The following ADGRL3 variants were observed in gnomAD, a reference collection of about 807,000 sequenced individuals.
The protein encoded by ADGRL3 is adhesion G protein-coupled receptor L3.
ADGRL3 carries 62 observed loss-of-function variants against 153.5 expected under a neutral mutation model. The ratio of observed to expected loss-of-function variants is 0.40; its 90% confidence interval spans 0.33 to 0.50. The LOEUF is 0.50. Among genes scored for constraint, ADGRL3 ranks in the 20% least tolerant of loss-of-function variants. The pLI, the probability that ADGRL3 is intolerant of heterozygous loss-of-function variation, is 0.47. For missense variants in ADGRL3, 1,641 were observed against 1,859.4 expected, an observed-to-expected ratio of 0.88 and a Z score of 2.16; for synonymous variants, 710 against 672.5, an observed-to-expected ratio of 1.06 and a Z score of -0.86.
At chr4:61,303,475 A>G (rs1008944438) in intron 1 of ADGRL3, among the ~76,000 whole-genome samples, 4 of 151,802 alleles carry the variant, frequency 2.6e-5, no homozygotes, top group African/African-American at 9.7e-5. Flanking sequence ...TTTTTTCTTC[A>G]CTAACAAAAG....
intron 1 of ADGRL3, among the ~76,000 whole-genome samples, chr4:61,285,280 A>G (rs1341167646): frequency 6.6e-6 from 1 of 151,882 alleles, no homozygotes; most frequent in African/African-American, 2.4e-5. Context: ...AAATTATCAA[A>G]TATTTATTGA....
In ADGRL3 at chr4:61,892,969, G is replaced by C; in HGVS notation, c.1783+11G>C. On this transcript the variant is annotated intron_variant, in intron 10 of 26. Coordinates refer to ENST00000683033, the MANE Select transcript of ADGRL3 (RefSeq NM_001387552.1). ...CTGCAGGAACTATAGGTAAGTCTGT[G>C]CTAAAGCACTAAGTTAAAACTGTTG... is the stretch of plus-strand genomic sequence containing the variant. The C allele has an allele frequency of 1.3e-6, 2 of 1,484,120 alleles. No individual in the cohort carries two copies. The highest frequency in any genetic ancestry group is 1.8e-6 in the Non-Finnish European group (2 of 1,117,104). The allele number at this position is 1,484,120 out of a possible 1,614,324, so 91.9% of individuals were successfully genotyped here.
chr4:61,452,885 T>C (rs1397031934), intron 2 of ADGRL3, among the ~76,000 whole-genome samples: 1 of 152,138 alleles, frequency 6.6e-6, no homozygotes, highest in Non-Finnish European at 1.5e-5. Context: ...TATTATTACT[T>C]TTCTGAGTTT....
intron 15 of ADGRL3, among the ~76,000 whole-genome samples, chr4:61,936,689 ATG>A (rs957089653): frequency 6.6e-6 from 1 of 151,782 alleles, no homozygotes; most frequent in Non-Finnish European, 1.5e-5. Flanking sequence ...GTATGTATAG[ATG>A]TGTGTGTATA....
At chr4:61,407,665 G>A (rs1411715138) in intron 2 of ADGRL3, among the ~76,000 whole-genome samples, 6 of 152,138 alleles carry the variant, frequency 3.9e-5, no homozygotes, top group Non-Finnish European at 8.8e-5. Context: ...TGAAGGGTTA[G>A]AAAAAGGCAA....
chr4:61,342,766 A>C (rs1343649456), intron 1 of ADGRL3, among the ~76,000 whole-genome samples: 3 of 152,120 alleles, frequency 2.0e-5, no homozygotes, highest in Admixed American at 6.6e-5. Context: ...AAACAGCCAT[A>C]ATTTTAACAC....
chr4:61,848,080 A>ATATATATAATATAAAATATAT (rs1561353574), intron 9 of ADGRL3, among the ~76,000 whole-genome samples: 1 of 21,232 alleles, frequency 4.7e-5, no homozygotes, highest in Non-Finnish European at 2.2e-4. Context: ...AAAATATATT[A>ATATATATAATATAAAATATAT]TATATATAAT....
chr4:61,653,459 C>T (rs1389705952), intron 5 of ADGRL3, among the ~76,000 whole-genome samples: 1 of 152,176 alleles, frequency 6.6e-6, no homozygotes, highest in African/African-American at 2.4e-5. Flanking sequence ...ATTCAGGACT[C>T]TCAGTTGCAA....
intron 9 of ADGRL3, among the ~76,000 whole-genome samples, chr4:61,856,962 T>TC (rs2098277339): frequency 1.1e-5 from 1 of 89,546 alleles, no homozygotes; most frequent in African/African-American, 4.0e-5. Flanking sequence ...CTTTCTTTCT[T>TC]TCTTTCTTTC....
intron 1 of ADGRL3, among the ~76,000 whole-genome samples, chr4:61,313,925 A>T (rs919840433): frequency 2.0e-5 from 3 of 152,176 alleles, no homozygotes; most frequent in Admixed American, 2.0e-4. Context: ...TCAGACTGGG[A>T]ACCTATAGAC....
At chr4:61,642,986 C>A (rs2093761415) in intron 5 of ADGRL3, among the ~76,000 whole-genome samples, 1 of 152,104 alleles carries the variant, frequency 6.6e-6, no homozygotes, top group African/African-American at 2.4e-5. Flanking sequence ...TATAGTTCTC[C>A]TTGAAGAGGT....
At chr4:61,413,072 A>G (rs2097105931) in intron 2 of ADGRL3, among the ~76,000 whole-genome samples, 1 of 152,130 alleles carries the variant, frequency 6.6e-6, no homozygotes, top group Admixed American at 6.5e-5. Flanking sequence ...CTTTTCTCAC[A>G]GGAAGGTTAG....
intron 5 of ADGRL3, among the ~76,000 whole-genome samples, chr4:61,596,736 T>C (rs939040086): frequency 6.6e-6 from 1 of 152,084 alleles, no homozygotes; most frequent in Non-Finnish European, 1.5e-5. Flanking sequence ...CATAAGCCTG[T>C]GGCCACAGCT....
intron 5 of ADGRL3, among the ~76,000 whole-genome samples, chr4:61,648,971 C>A (rs1281363138): frequency 6.6e-6 from 1 of 151,832 alleles, no homozygotes; most frequent in Non-Finnish European, 1.5e-5. Context: ...TACTATCTTT[C>A]TTACTTTTAA....
At position 62,077,569 on chromosome 4, in the gene ADGRL3, G is replaced by A. The variant is rs1560595265; in HGVS notation, c.*6661G>A. 1 of 151,900 alleles carries A rather than the reference G, an allele frequency of 6.6e-6. No homozygotes were observed. The highest frequency in any genetic ancestry group is 1.5e-5 in the Non-Finnish European group (1 of 67,874). The allele number at this position is 151,900 out of a possible 1,614,324, so 9.4% of individuals were successfully genotyped here. A position where few individuals can be genotyped will look rare whatever the true frequency, so the allele number is the denominator to read the frequency against. The stretch of plus-strand genomic sequence containing the variant: ...CAGTATCTTCAATGCTTTAACAGTA[G>A]GTAGAGGTCTTTGGGGTTGGAACTC... On this transcript the variant is annotated 3_prime_UTR_variant, in exon 27 of 27. Coordinates refer to ENST00000683033, the MANE Select transcript of ADGRL3 (RefSeq NM_001387552.1).
intron 5 of ADGRL3, 85 bp from the exon 6 acceptor site, chr4:61,676,741 G>T: frequency 1.1e-6 from 1 of 931,558 alleles, no homozygotes; most frequent in East Asian, 2.4e-5. Context: ...TGTATAACAG[G>T]AACTAAAATA....
intron 2 of ADGRL3, among the ~76,000 whole-genome samples, chr4:61,478,393 G>GA (rs906460538): frequency 1.2e-4 from 18 of 150,318 alleles, no homozygotes; most frequent in African/African-American, 3.4e-4. Flanking sequence ...AGAGAAAGGG[G>GA]AAAAAAAAAG....
At chr4:61,384,091 C>T (rs1319530562) in intron 2 of ADGRL3, among the ~76,000 whole-genome samples, 5 of 151,686 alleles carry the variant, frequency 3.3e-5, no homozygotes, top group African/African-American at 4.8e-5. Flanking sequence ...TCAAATATTC[C>T]GTACTTTTTT....
intron 1 of ADGRL3, among the ~76,000 whole-genome samples, chr4:61,380,534 A>G (rs2096654851): frequency 6.6e-6 from 1 of 152,030 alleles, no homozygotes; most frequent in African/African-American, 2.4e-5. Flanking sequence ...ATTGCTTTAC[A>G]AAGTTTGATT....
Sources: allele counts gnomAD v4.1 joint callset (sites outside exome capture counted in the v4.1 genomes callset), GRCh38; gene constraint gnomAD v4.1.1; transcripts MANE v1.5; gene names NCBI Gene and HGNC (gene_info 2026-07-23, HGNC 2026-07-21).